DACH1: variants seen among roughly 807,000 people sequenced by gnomAD.
DACH1 encodes the protein dachshund homolog 1.
In DACH1, 12 loss-of-function variants were observed where a neutral mutation model predicts 54.2. The observed-to-expected ratio is 0.22, with a 90% CI of 0.14 to 0.36. The LOEUF (loss-of-function observed/expected upper bound fraction) is 0.36. DACH1 is among the 10% of genes least tolerant of loss of function. DACH1 has a pLI of 1.00. For synonymous variants in DACH1, 386 were observed against 366.2 expected (o/e 1.05, Z -0.62); for missense variants, 805 against 929.8 (o/e 0.87, Z 1.75).
Position 71,617,741 on chromosome 13 carries a change from G to A in DACH1, c.1126+12815C>T, listed in dbSNP as rs565971436. Among the ~76,000 whole-genome samples the A allele has an allele frequency of 2.0e-5, 3 of 152,258 alleles. No homozygotes were observed. The East Asian group carries it at 5.8e-4, about 29-fold the overall frequency. ...GAAAGTACAGATATAAATAAAGCTTGTATATTCATTTTCTGTGTAAATTGA... is the reference window on the plus strand; with the variant it reads ...GAAAGTACAGATATAAATAAAGCTTATATATTCATTTTCTGTGTAAATTGA... On this transcript the variant is annotated intron_variant, in intron 3 of 10. Transcript: ENST00000613252.
chr13:71,514,441 A>G (rs1254515452), intron 6 of DACH1, among the ~76,000 whole-genome samples: 7 of 151,842 alleles, frequency 4.6e-5, no homozygotes, highest in Non-Finnish European at 7.4e-5. Flanking sequence ...TTAAAATACT[A>G]TATTTCTGCA....
At chr13:71,703,208 C>T (rs1387720820) in intron 1 of DACH1, among the ~76,000 whole-genome samples, 1 of 152,214 alleles carries the variant, frequency 6.6e-6, no homozygotes, top group Non-Finnish European at 1.5e-5. Context: ...CCTGACCTTG[C>T]CCTGCTTTCA....
At chr13:71,854,832 A>T (rs2138273882) in intron 1 of DACH1, among the ~76,000 whole-genome samples, 1 of 152,186 alleles carries the variant, frequency 6.6e-6, no homozygotes, top group African/African-American at 2.4e-5. Flanking sequence ...GTATTTTATA[A>T]ATATGGCATC....
chr13:71,559,363 G>A (rs1015675086), intron 5 of DACH1, among the ~76,000 whole-genome samples: 2 of 152,044 alleles, frequency 1.3e-5, no homozygotes, highest in African/African-American at 4.8e-5. Flanking sequence ...TGCTTTTTAA[G>A]TTTAGTATTT....
At chr13:71,766,442 C>T (rs1055770607) in intron 1 of DACH1, among the ~76,000 whole-genome samples, 1 of 152,148 alleles carries the variant, frequency 6.6e-6, no homozygotes, top group Non-Finnish European at 1.5e-5. Context: ...TTGAGACCTA[C>T]TGCCTAGCAA....
intron 1 of DACH1, among the ~76,000 whole-genome samples, chr13:71,805,161 C>T (rs1350073190): frequency 2.0e-5 from 3 of 152,082 alleles, no homozygotes; most frequent in African/African-American, 7.2e-5. Flanking sequence ...CATCAGATAG[C>T]TAGATTGTAA....
intron 10 of DACH1, among the ~76,000 whole-genome samples, chr13:71,463,282 C>T (rs1184366058): frequency 6.6e-6 from 1 of 151,814 alleles, no homozygotes; most frequent in Non-Finnish European, 1.5e-5. Flanking sequence ...GAAAACTAAA[C>T]TTTGTTTTAT....
chr13:71,457,657 G>A (rs1397163917), intron 10 of DACH1, among the ~76,000 whole-genome samples: 1 of 151,988 alleles, frequency 6.6e-6, no homozygotes, highest in African/African-American at 2.4e-5. Flanking sequence ...GCTTCGAAAT[G>A]TTGCCTTCGT....
At chr13:71,667,497 TG>T (rs1004233226) in intron 2 of DACH1, among the ~76,000 whole-genome samples, 2 of 152,130 alleles carry the variant, frequency 1.3e-5, no homozygotes, top group African/African-American at 4.8e-5. Flanking sequence ...ATTAAAATAA[TG>T]GCATTGGTAT....
intron 1 of DACH1, among the ~76,000 whole-genome samples, chr13:71,832,902 AATTT>A (rs529663785): frequency 6.6e-6 from 1 of 151,914 alleles, no homozygotes; most frequent in Non-Finnish European, 1.5e-5. Flanking sequence ...AGGAGTAATT[AATTT>A]ATCTCTATTT....
chr13:71,733,758 G>A (rs1416915201), intron 1 of DACH1, among the ~76,000 whole-genome samples: 1 of 152,068 alleles, frequency 6.6e-6, no homozygotes, highest in East Asian at 1.9e-4. Context: ...TGGTTCACTT[G>A]TCATCATAAA....
At chr13:71,667,553 C>A (rs1276518975) in intron 2 of DACH1, among the ~76,000 whole-genome samples, 1 of 152,100 alleles carries the variant, frequency 6.6e-6, no homozygotes, top group African/African-American at 2.4e-5. Context: ...TCCAATAGTT[C>A]TCTCTCATTG....
intron 1 of DACH1, among the ~76,000 whole-genome samples, chr13:71,775,799 G>T (rs1242339342): frequency 6.6e-6 from 1 of 152,014 alleles, no homozygotes. Context: ...CATCATATTA[G>T]TATGAACATT....
intron 1 of DACH1, among the ~76,000 whole-genome samples, chr13:71,722,742 A>G (rs773708440): frequency 6.6e-6 from 1 of 152,324 alleles, no homozygotes. Context: ...ATTTGGGGTC[A>G]GAAGGTACAG....
intron 1 of DACH1, among the ~76,000 whole-genome samples, chr13:71,764,751 G>T (rs1459755817): frequency 6.6e-6 from 1 of 152,172 alleles, no homozygotes; most frequent in Non-Finnish European, 1.5e-5. Context: ...CAATCTGAAG[G>T]TATGCCAATG....
Position 71,864,789 on chromosome 13 carries a change from C to T in DACH1, c.848+1133G>A, listed in dbSNP as rs920873750. On this transcript the variant is annotated intron_variant, in intron 1 of 10. Coordinates refer to ENST00000613252, the MANE Select transcript of DACH1 (RefSeq NM_080759.6). The stretch of plus-strand genomic sequence containing the variant: ...TCCTCCCCCACTGAGCGTTCATTAG[C>T]ATAAAACTGGTCTGGCTGGGGACCG... Among the ~76,000 whole-genome samples, 4 of 149,952 alleles carry T rather than the reference C, an allele frequency of 2.7e-5. 1 individual carries two copies. The South Asian group carries it at 6.4e-4, about 24-fold the overall frequency.
rs753279642 is a variant in DACH1, at chr13:71,866,218, C to T, written c.552G>A (p.Gln184=). The T allele has an allele frequency of 3.3e-5, 53 of 1,612,660 alleles. No individual in the cohort carries two copies. The Admixed American group carries it at 4.3e-4, about 13-fold the overall frequency. The change falls in exon 1 of 11, where the codon CAG becomes CAA. Residue 184 remains glutamine (Q), a synonymous_variant. Coordinates refer to ENST00000613252, the MANE Select transcript of DACH1 (RefSeq NM_080759.6). ...STPSPVENTP[Q]NNECKMVDLR... is the part of the protein sequence containing the mutation. ...GATCCACCATTTTGCACTCATTATT[C>T]TGAGGGGTGTTTTCCACTGGGGACG...
chr13:71,637,933 C>A (rs1424268578), intron 2 of DACH1, among the ~76,000 whole-genome samples: 1 of 152,126 alleles, frequency 6.6e-6, no homozygotes, highest in Non-Finnish European at 1.5e-5. Flanking sequence ...AAGGCCCAAT[C>A]TTTGATCTTT....
chr13:71,737,765 C>T (rs888442442), intron 1 of DACH1, among the ~76,000 whole-genome samples: 1 of 152,076 alleles, frequency 6.6e-6, no homozygotes, highest in African/African-American at 2.4e-5. Flanking sequence ...ATATTATAAA[C>T]TAGAGGCAAT....
Sources: gnomAD v4.1 joint callset for allele counts (sites outside exome capture counted in the v4.1 genomes callset) on GRCh38, gnomAD v4.1.1 for gene constraint, MANE v1.5 for transcripts, NCBI Gene and HGNC (gene_info 2026-07-23, HGNC 2026-07-21) for gene names.